Variants in SULT1C2 observed in about 807,000 individuals in gnomAD.
The protein encoded by SULT1C2 is sulfotransferase family 1C member 2, also known as sulfotransferase 1C2.
SULT1C2 carries 27 observed loss-of-function variants against 36.0 expected under a neutral mutation model. That is an observed-to-expected ratio of 0.75 (90% CI 0.55 to 1.03). The LOEUF (loss-of-function observed/expected upper bound fraction) is 1.03, where lower values mean the gene tolerates loss of function less well. SULT1C2 is among the 50% of genes least tolerant of loss of function. SULT1C2 has a pLI of 0.00. For synonymous variants in SULT1C2, 121 were observed against 116.0 expected, an observed-to-expected ratio of 1.04 and a Z score of -0.27; for missense variants, 395 against 359.2, an observed-to-expected ratio of 1.10 and a Z score of -0.80.
At chr2:108,291,861 T>C (rs1352404998) in intron 1 of SULT1C2, among the ~76,000 whole-genome samples, 1 of 152,216 alleles carries the variant, frequency 6.6e-6, no homozygotes, top group Non-Finnish European at 1.5e-5. Flanking sequence ...GATCATACCA[T>C]TATCTCAGGA....
chr2:108,291,089 C>T (rs1192406407), intron 1 of SULT1C2, among the ~76,000 whole-genome samples: 2 of 152,198 alleles, frequency 1.3e-5, no homozygotes, highest in African/African-American at 4.8e-5. Context: ...CTTCCAAGCT[C>T]ATTCTGGTTG....
At chr2:108,306,858 A>G (rs1558682163) in intron 7 of SULT1C2, among the ~76,000 whole-genome samples, 2 of 152,182 alleles carry the variant, frequency 1.3e-5, no homozygotes, top group Admixed American at 6.5e-5. Flanking sequence ...GTGAGCCAAG[A>G]TCATGCCACT....
At position 108,293,603 on chromosome 2, in the gene SULT1C2, T is replaced by C. The variant is rs1676649964; in HGVS notation, c.-21-44T>C. ...TGATCAATTTTATGTTATGTATATTTTACCACAACTTCTTTAAAAATCTCC... is the reference window on the plus strand; with the variant it reads ...TGATCAATTTTATGTTATGTATATTCTACCACAACTTCTTTAAAAATCTCC... On this transcript the variant is annotated intron_variant, in intron 1 of 7. Coordinates refer to ENST00000251481, the MANE Select transcript of SULT1C2 (RefSeq NM_001056.4). 6.5e-6 allele frequency: 10 copies of C among 1,527,038 alleles called. No individual in the cohort carries two copies. The South Asian group carries it at 1.3e-4, about 20-fold the overall frequency. 94.6% of individuals were successfully genotyped at this position (1,527,038 alleles called of 1,614,324 possible).
intron 1 of SULT1C2, among the ~76,000 whole-genome samples, chr2:108,289,474 C>T (rs1376193779): frequency 2.0e-5 from 3 of 152,186 alleles, no homozygotes; most frequent in African/African-American, 7.2e-5. Context: ...GAACCAGATC[C>T]TGTGCTCCAA....
chr2:108,308,438 T>C lies in SULT1C2; in HGVS notation c.865T>C (p.Ser289Pro). 2 of 1,611,586 alleles carry C rather than the reference T, an allele frequency of 1.2e-6. No individual in the cohort carries two copies. Among genetic ancestry groups the C allele is most frequent in the Non-Finnish European group, 1.7e-6 (2 of 1,179,442 alleles). The change falls in exon 8 of 8, where the codon TCC becomes CCC. Residue 289 changes from serine to proline, a missense_variant. By Grantham distance (74) the Ser-to-Pro change is moderately conservative. Coordinates refer to ENST00000251481, the MANE Select transcript of SULT1C2 (RefSeq NM_001056.4). ...CTATAGAAGAAAGATGGAAGGAACCTCCATAAACTTCTGCATGGAACTCTG... is the reference window on the plus strand; with the variant it reads ...CTATAGAAGAAAGATGGAAGGAACCCCCATAAACTTCTGCATGGAACTCTG... ...EIYRRKMEGT[S>P]INFCMEL
Position 108,308,805 on chromosome 2 carries a change from T to G in SULT1C2, c.*341T>G, listed in dbSNP as rs1677084888. The G allele has an allele frequency of 5.3e-6, 1 of 190,078 alleles. No individual in the cohort carries two copies. The highest frequency in any genetic ancestry group is 1.1e-5 in the Non-Finnish European group (1 of 92,862). The allele number at this position is 190,078 out of a possible 1,614,324, so 11.8% of individuals were successfully genotyped here. A position where few individuals can be genotyped will look rare whatever the true frequency, so the allele number is the denominator to read the frequency against. On this transcript the variant is annotated 3_prime_UTR_variant, in exon 8 of 8. Transcript: ENST00000251481. ...CTATAACATCATAATACCTTGAGTA[T>G]AAGTCCAAATATTAGGTTATATCTA...
intron 3 of SULT1C2, chr2:108,300,024 C>G (rs1676833117): frequency 6.6e-6 from 1 of 152,218 alleles, no homozygotes; most frequent in Non-Finnish European, 1.5e-5. Flanking sequence ...TCTTTGTTGC[C>G]TTTTCCCCTA....
chr2:108,295,528 C>A (rs144644365), intron 3 of SULT1C2, among the ~76,000 whole-genome samples: 67 of 152,190 alleles, frequency 4.4e-4, no homozygotes, highest in African/African-American at 1.5e-3. Context: ...CTCCATCACT[C>A]ACCTCACAAC....
At chr2:108,307,302 GAT>G (rs1453327723) in intron 7 of SULT1C2, among the ~76,000 whole-genome samples, 3 of 152,126 alleles carry the variant, frequency 2.0e-5, no homozygotes, top group Non-Finnish European at 4.4e-5. Context: ...CAGACACAAA[GAT>G]ATGTAACCAT....
chr2:108,294,279 G>T lies in SULT1C2; in HGVS notation c.202G>T (p.Val68Leu). The T allele has an allele frequency of 6.2e-7, 1 of 1,614,114 alleles. No homozygotes were observed. Among genetic ancestry groups the T allele is most frequent in the South Asian group, 1.1e-5 (1 of 91,074 alleles). ...IVDMIEQNGD[V>L]EKCQRAIIQH... ...GGATATGATTGAACAGAATGGGGACGTGGAGAAGTGCCAGCGAGCCATCAT... is the reference window on the plus strand; with the variant it reads ...GGATATGATTGAACAGAATGGGGACTTGGAGAAGTGCCAGCGAGCCATCAT... Residue 68 changes from valine (V) to leucine (L), a missense_variant, in exon 3 of 8, where the codon GTG becomes TTG. By Grantham distance (32) the Val-to-Leu change is conservative (BLOSUM62 1). Coordinates refer to ENST00000251481, the MANE Select transcript of SULT1C2 (RefSeq NM_001056.4).
At chr2:108,294,734 T>C (rs1313520860) in intron 3 of SULT1C2, among the ~76,000 whole-genome samples, 1 of 151,924 alleles carries the variant, frequency 6.6e-6, no homozygotes, top group Non-Finnish European at 1.5e-5. Flanking sequence ...TAAAACCCAG[T>C]GCAGCCAGGA....
intron 3 of SULT1C2, among the ~76,000 whole-genome samples, chr2:108,297,197 T>C (rs1189748168): frequency 6.6e-6 from 1 of 152,180 alleles, no homozygotes; most frequent in Non-Finnish European, 1.5e-5. Flanking sequence ...CAATAAGTTA[T>C]TGTCCCATGG....
chr2:108,308,489 G>A lies in SULT1C2; in HGVS notation c.*25G>A. On this transcript the variant is annotated 3_prime_UTR_variant, in exon 8 of 8. Coordinates refer to ENST00000251481, the MANE Select transcript of SULT1C2 (RefSeq NM_001056.4). ...AGCAAGATGTAAATAAAATTAAAAG[G>A]TGGATGGCAAGAGTGCAAATACTAT... 6.3e-7 allele frequency: 1 copy of A among 1,578,498 alleles called. No individual in the cohort carries two copies. The highest frequency in any genetic ancestry group is 2.2e-5 in the East Asian group (1 of 44,666).
At chr2:108,297,053 G>A (rs1055367783) in intron 3 of SULT1C2, among the ~76,000 whole-genome samples, 23 of 152,196 alleles carry the variant, frequency 1.5e-4, no homozygotes, top group Non-Finnish European at 3.2e-4. Flanking sequence ...AAAGACCTGT[G>A]TGCATGTGTA....
rs567562556 is a variant in SULT1C2 at position 108,309,020 on chromosome 2, G to C, written c.*556G>C. 2.6e-5 allele frequency: 4 copies of C among 152,512 alleles called. No individual in the cohort carries two copies. The East Asian group carries it at 7.7e-4, about 29-fold the overall frequency. The allele number at this position is 152,512 out of a possible 1,614,324, so 9.4% of individuals were successfully genotyped here. On this transcript the variant is annotated 3_prime_UTR_variant, in exon 8 of 8. Coordinates refer to ENST00000251481, the MANE Select transcript of SULT1C2 (RefSeq NM_001056.4). The stretch of plus-strand genomic sequence containing the variant: ...GGGAATAAAATGGAAGTGCACAGAG[G>C]AGATGTCAGAAGACCAAAACTTGGT...
chr2:108,304,775 T>C, intron 5 of SULT1C2, 75 bp downstream of exon 5: 1 of 1,540,494 alleles, frequency 6.5e-7, no homozygotes, highest in Non-Finnish European at 8.7e-7. Flanking sequence ...GGCAGCATTT[T>C]ATCCCCTAGA....
intron 3 of SULT1C2, among the ~76,000 whole-genome samples, chr2:108,296,602 C>A (rs1387484429): frequency 6.6e-6 from 1 of 152,206 alleles, no homozygotes; most frequent in African/African-American, 2.4e-5. Context: ...CAGGCACCTG[C>A]CAGCACGCCC....
chr2:108,293,946 G>GCATCCTGTGTGAGCCCTGA, intron 2 of SULT1C2, 128 bp downstream of exon 2: 1 of 1,388,474 alleles, frequency 7.2e-7, no homozygotes. Flanking sequence ...TGGAGCTCAG[G>GCATCCTGTGTGAGCCCTGA]GCTCACACAG....
intron 1 of SULT1C2, among the ~76,000 whole-genome samples, chr2:108,291,750 A>G (rs940984053): frequency 6.6e-6 from 1 of 152,174 alleles, no homozygotes; most frequent in African/African-American, 2.4e-5. Context: ...TTCCTAATAA[A>G]ATTGTCATAT....
Sources: gnomAD v4.1 joint callset for allele counts (sites outside exome capture counted in the v4.1 genomes callset) on GRCh38, gnomAD v4.1.1 for gene constraint, MANE v1.5 for transcripts, NCBI Gene and HGNC (gene_info 2026-07-23, HGNC 2026-07-21) for gene names.